TMEM38B: variants seen among roughly 807,000 people sequenced by gnomAD.
TMEM38B encodes the protein transmembrane protein 38B, also known as trimeric intracellular cation channel type B.
Under a neutral mutation model 28.7 loss-of-function variants are expected in TMEM38B, and 24 were observed. The ratio of observed to expected loss-of-function variants is 0.84; its 90% CI spans 0.61 to 1.18. TMEM38B has a LOEUF of 1.18. Ranked by LOEUF, TMEM38B falls within the 50% of genes most tolerant of loss-of-function variation. TMEM38B has a pLI of 0.00. For synonymous variants in TMEM38B, 131 were observed against 127.7 expected (o/e 1.03, Z -0.17); for missense variants, 380 against 350.9 (o/e 1.08, Z -0.66).
chr9:105,717,126 T>C (rs1836129522), intron 2 of TMEM38B, among the ~76,000 whole-genome samples: 1 of 152,214 alleles, frequency 6.6e-6, no homozygotes. Context: ...TCAGAATGTA[T>C]GCAGCCACTA....
rs1837419734 is a variant in TMEM38B at position 105,746,890 on chromosome 9, G to A, written c.543-1183G>A. 5.3e-5 allele frequency among the ~76,000 whole-genome samples: 8 copies of A among 152,264 alleles called. No individual in the cohort carries two copies. The South Asian group carries it at 8.3e-4, about 16-fold the overall frequency. On this transcript the variant is annotated intron_variant, in intron 4 of 5. Transcript: ENST00000374692. ...TGCTGGATTATGCTTATTGATTTGC[G>A]TTTGTGGAACCAGCCTTGCATCCCA...
At chr9:105,698,614 G>A (rs141644460) in intron 1 of TMEM38B, among the ~76,000 whole-genome samples, 1 of 152,044 alleles carries the variant, frequency 6.6e-6, no homozygotes, top group African/African-American at 2.4e-5. Context: ...TAATTCATTA[G>A]GGATTTTGAT....
rs146683657 is a variant in TMEM38B at position 105,774,036 on chromosome 9, G to T, written c.832G>T (p.Ala278Ser). Residue 278 changes from alanine to serine, a missense_variant, in exon 6 of 6, where the codon GCC becomes TCC. Coordinates refer to ENST00000374692, the MANE Select transcript of TMEM38B (RefSeq NM_018112.3). ...GSLASKPVDVASDNVKKKHTK... is the reference protein window; with the variant it reads ...GSLASKPVDVSSDNVKKKHTK... The stretch of plus-strand genomic sequence containing the variant: ...ATTGGCCTCAAAGCCGGTAGATGTT[G>T]CCTCAGATAATGTTAAAAAGAAACA... 6.6e-5 allele frequency: 107 copies of T among 1,613,524 alleles called. No homozygotes were observed. Among genetic ancestry groups the T allele is most frequent in the Non-Finnish European group, 8.4e-5 (99 of 1,179,744 alleles).
At chr9:105,757,382 G>A (rs919036524) in intron 5 of TMEM38B, among the ~76,000 whole-genome samples, 1 of 152,110 alleles carries the variant, frequency 6.6e-6, no homozygotes, top group Admixed American at 6.5e-5. Context: ...GTTTGCAAGT[G>A]TCTTTTTCAT....
At chr9:105,722,982 A>G (rs1351675800) in intron 4 of TMEM38B, among the ~76,000 whole-genome samples, 2 of 152,102 alleles carry the variant, frequency 1.3e-5, no homozygotes, top group Non-Finnish European at 2.9e-5. Flanking sequence ...TGGCATTTTC[A>G]TTAATGACTA....
At chr9:105,750,982 A>T (rs914349008) in intron 5 of TMEM38B, among the ~76,000 whole-genome samples, 3 of 152,222 alleles carry the variant, frequency 2.0e-5, no homozygotes, top group African/African-American at 7.2e-5. Context: ...TCTCAATTTT[A>T]TTCCATCCAT....
intron 5 of TMEM38B, among the ~76,000 whole-genome samples, chr9:105,761,201 C>T (rs1276827119): frequency 6.6e-6 from 1 of 152,166 alleles, no homozygotes; most frequent in Non-Finnish European, 1.5e-5. Context: ...TTTGAAAACT[C>T]AGTGAGATAA....
At chr9:105,759,380 A>T in intron 5 of TMEM38B, 1 of 1,416,224 alleles carries the variant, frequency 7.1e-7, no homozygotes, top group South Asian at 1.2e-5. Flanking sequence ...ATAGAGAAAA[A>T]AGAAGAATAA....
chr9:105,758,845 A>G (rs1044521213), intron 5 of TMEM38B: 33 of 952,964 alleles, frequency 3.5e-5, no homozygotes, highest in Non-Finnish European at 5.7e-5. Context: ...GATCAAGAAA[A>G]TGCAGTTGAT....
chr9:105,754,043 C>G (rs908221744), intron 5 of TMEM38B, among the ~76,000 whole-genome samples: 1 of 152,086 alleles, frequency 6.6e-6, no homozygotes, highest in Non-Finnish European at 1.5e-5. Context: ...GACTTTAAAA[C>G]TAATGAAGGT....
intron 5 of TMEM38B, 89 bp downstream of exon 5, chr9:105,748,279 A>T (rs1043167346): frequency 1.2e-5 from 11 of 880,854 alleles, no homozygotes; most frequent in Middle Eastern, 3.0e-4. Flanking sequence ...AGTAAGAGGA[A>T]CATTTATTTA....
chr9:105,726,871 C>G (rs974483685), intron 4 of TMEM38B, among the ~76,000 whole-genome samples: 1 of 150,780 alleles, frequency 6.6e-6, no homozygotes, highest in African/African-American at 2.4e-5. Flanking sequence ...CTTTTTTTTG[C>G]CTTCTGTTGA....
chr9:105,762,810 C>A (rs1838112834), intron 5 of TMEM38B, among the ~76,000 whole-genome samples: 1 of 150,128 alleles, frequency 6.7e-6, no homozygotes, highest in Non-Finnish European at 1.5e-5. Flanking sequence ...ATTTCTAATT[C>A]TAGATCCCTG....
chr9:105,701,173 G>A (rs1490244105), intron 1 of TMEM38B: 3 of 152,154 alleles, frequency 2.0e-5, no homozygotes, highest in African/African-American at 7.2e-5. Context: ...TACCTACTGA[G>A]TTCTATTTAA....
chr9:105,703,182 A>T (rs1380125385), intron 1 of TMEM38B, among the ~76,000 whole-genome samples: 1 of 152,238 alleles, frequency 6.6e-6, no homozygotes, highest in African/African-American at 2.4e-5. Context: ...AGTACATTAA[A>T]ATAAAATAAT....
chr9:105,746,696 A>G (rs1431376872), intron 4 of TMEM38B, among the ~76,000 whole-genome samples: 2 of 152,132 alleles, frequency 1.3e-5, no homozygotes, highest in African/African-American at 2.4e-5. Flanking sequence ...CCCATTCAGT[A>G]TGATATTGGC....
At chr9:105,704,702 G>A (rs1390768430) in intron 1 of TMEM38B, among the ~76,000 whole-genome samples, 1 of 152,044 alleles carries the variant, frequency 6.6e-6, no homozygotes, top group African/African-American at 2.4e-5. Flanking sequence ...GAGGTGGGTG[G>A]ATCACGAGAT....
At chr9:105,733,491 T>G (rs1374173742) in intron 4 of TMEM38B, among the ~76,000 whole-genome samples, 1 of 151,478 alleles carries the variant, frequency 6.6e-6, no homozygotes, top group Non-Finnish European at 1.5e-5. Flanking sequence ...GAAAGTGTGT[T>G]AGGCATATTC....
At chr9:105,732,843 G>A (rs999307876) in intron 4 of TMEM38B, among the ~76,000 whole-genome samples, 4 of 152,082 alleles carry the variant, frequency 2.6e-5, no homozygotes, top group Non-Finnish European at 5.9e-5. Flanking sequence ...GAATTCTGTG[G>A]AGAAAGTCAT....
Sources: gnomAD v4.1 joint callset for allele counts (sites outside exome capture counted in the v4.1 genomes callset) on GRCh38, gnomAD v4.1.1 for gene constraint, MANE v1.5 for transcripts, NCBI Gene and HGNC (gene_info 2026-07-23, HGNC 2026-07-21) for gene names.